The following CELF2 variants were observed in gnomAD, a reference collection of about 807,000 sequenced individuals.
CELF2 encodes CUGBP Elav-like family member 2.
Under a neutral mutation model 62.6 loss-of-function variants are expected in CELF2, and 8 were observed. That is an observed-to-expected ratio of 0.13 (90% CI 0.07 to 0.23). The LOEUF (loss-of-function observed/expected upper bound fraction) is 0.23. Among genes scored for constraint, CELF2 ranks in the 10% least tolerant of loss-of-function variants. The pLI, the probability that CELF2 is intolerant of heterozygous loss-of-function variation, is 1.00. For missense variants in CELF2, 333 were observed against 671.0 expected, an observed-to-expected ratio of 0.50 and a Z score of 5.56; for synonymous variants, 258 against 250.0, an observed-to-expected ratio of 1.03 and a Z score of -0.30.
the CELF2 span, among the ~76,000 whole-genome samples, chr10:10,559,977 T>C: frequency 4.8e-3 from 724 of 152,324 alleles, 9 homozygotes; most frequent in African/African-American, 0.017. Context: ...GTAGTGTATA[T>C]GGCAAAGCTG....
chr10:11,083,979 AT>A (rs1484438801), intron 1 of CELF2, among the ~76,000 whole-genome samples: 2 of 152,148 alleles, frequency 1.3e-5, no homozygotes, highest in African/African-American at 4.8e-5. Context: ...TGCTCCCTCA[AT>A]CCAGGGGCCC....
intron 1 of CELF2, among the ~76,000 whole-genome samples, chr10:11,049,508 T>C (rs529820616): frequency 1.6e-4 from 24 of 148,572 alleles, no homozygotes; most frequent in Non-Finnish European, 2.8e-4. Flanking sequence ...CTGATCTTCA[T>C]TCCTGTTCCC....
the CELF2 span, among the ~76,000 whole-genome samples, chr10:10,640,649 T>A: frequency 1.3e-5 from 2 of 152,250 alleles, no homozygotes; most frequent in Middle Eastern, 3.2e-3. Flanking sequence ...GACCAGCATG[T>A]AGGCACTCAG....
At chr10:10,534,028 T>C in the CELF2 span, among the ~76,000 whole-genome samples, 1 of 151,202 alleles carries the variant, frequency 6.6e-6, no homozygotes. Flanking sequence ...AGGAAGAAAA[T>C]TAAAACATTA....
intron 1 of CELF2, among the ~76,000 whole-genome samples, chr10:10,865,855 C>T (rs2060324936): frequency 6.6e-6 from 1 of 151,756 alleles, no homozygotes; most frequent in Non-Finnish European, 1.5e-5. Flanking sequence ...GAAGATAAGC[C>T]TGTTTGAGCC....
the CELF2 span, among the ~76,000 whole-genome samples, chr10:10,533,622 A>T: frequency 6.6e-6 from 1 of 152,246 alleles, no homozygotes; most frequent in Admixed American, 6.5e-5. Context: ...AGCTGTCTGT[A>T]TGCCCTTGGG....
At chr10:10,651,836 C>G in the CELF2 span, among the ~76,000 whole-genome samples, 2 of 151,666 alleles carry the variant, frequency 1.3e-5, no homozygotes, top group African/African-American at 4.8e-5. Flanking sequence ...CAAAGGAACG[C>G]AGTTCCTCAC....
At chr10:11,273,530 T>G (rs2084697605) in intron 7 of CELF2, among the ~76,000 whole-genome samples, 1 of 152,094 alleles carries the variant, frequency 6.6e-6, no homozygotes, top group African/African-American at 2.4e-5. Flanking sequence ...CCAAAAAGGT[T>G]GGGGACTGCT....
chr10:11,328,909 C>G lies in CELF2; in HGVS notation c.1439-17C>G, dbSNP rs551272775. ...GGCTTCCTCTCCAGGCTGACTCCCT[C>G]TCTCGGTATTTTCCAGGTTTTGTTA... On this transcript the variant is annotated splice_polypyrimidine_tract_variant and intron_variant, in intron 12 of 12. Transcript: ENST00000633077. The surrounding 1 kb of genome is among the most constrained non-coding windows in gnomAD (Gnocchi z 6.4). 1.9e-6 allele frequency: 3 copies of G among 1,603,864 alleles called. No homozygotes were observed. Among genetic ancestry groups the G allele is most frequent in the Non-Finnish European group, 2.6e-6 (3 of 1,172,502 alleles).
chr10:11,131,742 G>T (rs1168598873), intron 1 of CELF2, among the ~76,000 whole-genome samples: 1 of 152,232 alleles, frequency 6.6e-6, no homozygotes, highest in Non-Finnish European at 1.5e-5. Flanking sequence ...GCTAGTTGCA[G>T]CTCAGTATAT....
intron 2 of CELF2, among the ~76,000 whole-genome samples, chr10:11,190,421 C>G (rs76111912): frequency 0.011 from 1,676 of 152,148 alleles, 24 homozygotes; most frequent in African/African-American, 0.038. Context: ...TTTATCTCCT[C>G]TTTCTTCTCT....
chr10:10,800,772 C>G (rs2054582207), intron 1 of CELF2, among the ~76,000 whole-genome samples: 1 of 152,006 alleles, frequency 6.6e-6, no homozygotes, highest in Admixed American at 6.6e-5. Flanking sequence ...CATGTTTAAA[C>G]TTTATTTTTA....
intron 8 of CELF2, among the ~76,000 whole-genome samples, chr10:11,281,971 C>T (rs1381280258): frequency 1.3e-5 from 2 of 152,242 alleles, no homozygotes; most frequent in Middle Eastern, 3.4e-3. Flanking sequence ...GGTGAAGCAG[C>T]GCTAGACTGG....
At chr10:10,541,069 C>T in the CELF2 span, among the ~76,000 whole-genome samples, 1 of 151,724 alleles carries the variant, frequency 6.6e-6, no homozygotes, top group African/African-American at 2.4e-5. Context: ...TGGTGAAACC[C>T]CGTCTCTACT....
At chr10:10,671,748 G>A in the CELF2 span, among the ~76,000 whole-genome samples, 1 of 146,448 alleles carries the variant, frequency 6.8e-6, no homozygotes, top group Non-Finnish European at 1.5e-5. Context: ...TTTTTTAATT[G>A]ACACAGAGTC....
the CELF2 span, among the ~76,000 whole-genome samples, chr10:10,763,825 G>A: frequency 6.6e-6 from 1 of 152,192 alleles, no homozygotes; most frequent in Non-Finnish European, 1.5e-5. Context: ...GTTTGTGACA[G>A]GTAAAGCCAT....
chr10:10,486,181 A>C, the CELF2 span, among the ~76,000 whole-genome samples: 11 of 152,262 alleles, frequency 7.2e-5, no homozygotes, highest in Middle Eastern at 3.4e-3. Flanking sequence ...CTTCATTCTC[A>C]AGCTTCTAAA....
the CELF2 span, among the ~76,000 whole-genome samples, chr10:10,690,707 C>T: frequency 8.5e-5 from 13 of 152,064 alleles, no homozygotes; most frequent in African/African-American, 3.1e-4. Flanking sequence ...TGGTGAAACC[C>T]CATCTCTACT....
chr10:11,332,850 TC>T lies in CELF2; in HGVS notation c.*3799del, dbSNP rs1326437449. ...CATGTGTTTACTACTGCTGGGGCCT[TC>T]CTTCATCCTCTGAGGGCTATTTTGT... On this transcript the variant is annotated 3_prime_UTR_variant, in exon 13 of 13. Transcript: ENST00000633077. 6.6e-6 allele frequency: 1 copy of T among 152,662 alleles called. No individual in the cohort carries two copies. The highest frequency in any genetic ancestry group is 1.5e-5 in the Non-Finnish European group (1 of 68,050). The allele number at this position is 152,662 out of a possible 1,614,324, so 9.5% of individuals were successfully genotyped here. A position where few individuals can be genotyped will look rare whatever the true frequency, so the allele number is the denominator to read the frequency against.
Sources: gnomAD v4.1 joint callset for allele counts (sites outside exome capture counted in the v4.1 genomes callset) on GRCh38, gnomAD v4.1.1 for gene constraint, Gnocchi (gnomAD v3.1) non-coding constraint, MANE v1.5 for transcripts, NCBI Gene and HGNC (gene_info 2026-07-23, HGNC 2026-07-21) for gene names.